The following PPARGC1B variants were observed in gnomAD, a reference collection of about 807,000 sequenced individuals.
The protein encoded by PPARGC1B is peroxisome proliferator-activated receptor gamma coactivator 1-beta.
Under a neutral mutation model 101.6 loss-of-function variants are expected in PPARGC1B, and 34 were observed. That is an observed-to-expected ratio of 0.33 (90% CI 0.25 to 0.45). The LOEUF (loss-of-function observed/expected upper bound fraction) is 0.45. Ranked by LOEUF, PPARGC1B falls within the 20% of genes least tolerant of loss-of-function variation. PPARGC1B has a pLI of 1.00. For synonymous variants in PPARGC1B, 548 were observed against 539.3 expected (o/e 1.02, Z -0.22); for missense variants, 1,234 against 1,317.6 (o/e 0.94, Z 0.98).
Position 149,830,748 on chromosome 5 carries a change from C to G in PPARGC1B, c.466-19C>G. ...CTGTGGCTCAGCCCCGGCTCCTGTCCTCTCTGCTTTTCCCTCAGCTGCAGA... is the reference window on the plus strand; with the variant it reads ...CTGTGGCTCAGCCCCGGCTCCTGTCGTCTCTGCTTTTCCCTCAGCTGCAGA... On this transcript the variant is annotated intron_variant, in intron 3 of 11. Coordinates refer to ENST00000309241, the MANE Select transcript of PPARGC1B (RefSeq NM_133263.4). 1.9e-6 allele frequency: 3 copies of G among 1,590,606 alleles called. No individual in the cohort carries two copies. The highest frequency in any genetic ancestry group is 2.6e-6 in the Non-Finnish European group (3 of 1,158,566).
chr5:149,789,673 G>A (rs11952729), intron 1 of PPARGC1B, among the ~76,000 whole-genome samples: 2,980 of 152,174 alleles, frequency 0.02, 110 homozygotes, highest in African/African-American at 0.069. Context: ...CAAGTCACAC[G>A]CCCAAGATCA....
At chr5:149,806,945 T>C (rs979053904) in intron 1 of PPARGC1B, among the ~76,000 whole-genome samples, 1 of 151,632 alleles carries the variant, frequency 6.6e-6, no homozygotes, top group African/African-American at 2.4e-5. Context: ...GTACCTAACA[T>C]AAAATTTACC....
chr5:149,810,408 G>T (rs965321643), intron 1 of PPARGC1B, among the ~76,000 whole-genome samples: 2 of 152,222 alleles, frequency 1.3e-5, no homozygotes, highest in Admixed American at 6.5e-5. Context: ...AAGGTGGGGT[G>T]GGGGGCCTAG....
At chr5:149,766,556 C>T (rs1344582804) in intron 1 of PPARGC1B, among the ~76,000 whole-genome samples, 1 of 151,446 alleles carries the variant, frequency 6.6e-6, no homozygotes, top group Non-Finnish European at 1.5e-5. Flanking sequence ...GTGAACCAGG[C>T]AGGATGATGA....
intron 1 of PPARGC1B, among the ~76,000 whole-genome samples, chr5:149,798,527 C>T (rs796645821): frequency 7.2e-5 from 11 of 152,324 alleles, no homozygotes; most frequent in African/African-American, 2.6e-4. Flanking sequence ...AGCATGGCCT[C>T]AGCTTAGTTG....
intron 1 of PPARGC1B, among the ~76,000 whole-genome samples, chr5:149,802,555 C>T (rs1334962042): frequency 6.6e-6 from 1 of 151,466 alleles, no homozygotes; most frequent in Non-Finnish European, 1.5e-5. Flanking sequence ...TCTGGCTTCT[C>T]GAGAAGGAAG....
chr5:149,775,573 C>T (rs73265616), intron 1 of PPARGC1B, among the ~76,000 whole-genome samples: 18,425 of 152,192 alleles, frequency 0.12, 1,201 homozygotes, highest in East Asian at 0.25. Context: ...CCTCAGAATC[C>T]ACTGCAAAAC....
At chr5:149,804,307 C>G (rs999397299) in intron 1 of PPARGC1B, among the ~76,000 whole-genome samples, 6 of 152,230 alleles carry the variant, frequency 3.9e-5, no homozygotes, top group Non-Finnish European at 7.3e-5. Context: ...CAGCAAAGGA[C>G]AAGGCCAGGT....
At chr5:149,795,600 C>T (rs1024184382) in intron 1 of PPARGC1B, among the ~76,000 whole-genome samples, 4 of 152,100 alleles carry the variant, frequency 2.6e-5, no homozygotes, top group African/African-American at 7.2e-5. Flanking sequence ...AATCTGAGTA[C>T]AGGTGTGGAT....
At chr5:149,815,106 T>A (rs1481148248) in intron 1 of PPARGC1B, among the ~76,000 whole-genome samples, 1 of 152,228 alleles carries the variant, frequency 6.6e-6, no homozygotes, top group Non-Finnish European at 1.5e-5. Context: ...GATCCTGGCT[T>A]CACAGGGAGA....
rs558515385 is a variant in PPARGC1B at position 149,782,298 on chromosome 5, A to G, written c.79-38135A>G. 2.4e-4 allele frequency among the ~76,000 whole-genome samples: 36 copies of G among 152,306 alleles called. No homozygotes were observed. In the South Asian group the frequency reaches 7.1e-3, roughly 30 times the overall value. ...GCCATTCCTCTTGTATAAGATATAAAGAAACTCTTAAAAATTTTTTTTCTT... is the reference window on the plus strand; with the variant it reads ...GCCATTCCTCTTGTATAAGATATAAGGAAACTCTTAAAAATTTTTTTTCTT... On this transcript the variant is annotated intron_variant, in intron 1 of 11. Coordinates refer to ENST00000309241, the MANE Select transcript of PPARGC1B (RefSeq NM_133263.4).
In PPARGC1B at chr5:149,755,931, G is replaced by A. The variant is rs1479239901; in HGVS notation, c.78+25511G>A. ...AGTGCTGGGATTACAGGGGTGAGCCGCCGTGCCCGGCCTATGGTGTCATTG... is the reference window on the plus strand; with the variant it reads ...AGTGCTGGGATTACAGGGGTGAGCCACCGTGCCCGGCCTATGGTGTCATTG... On this transcript the variant is annotated intron_variant, in intron 1 of 11. Coordinates refer to ENST00000309241, the MANE Select transcript of PPARGC1B (RefSeq NM_133263.4). Among the ~76,000 whole-genome samples, 7 of 152,110 alleles carry A rather than the reference G, an allele frequency of 4.6e-5. No homozygotes were observed. In the South Asian group the frequency reaches 8.3e-4, roughly 18 times the overall value.
chr5:149,846,322 A>G (rs930328686), intron 11 of PPARGC1B: 5 of 372,748 alleles, frequency 1.3e-5, no homozygotes, highest in African/African-American at 2.0e-5. Flanking sequence ...GAAGAAGGAC[A>G]AAGAAGTACA....
intron 2 of PPARGC1B, among the ~76,000 whole-genome samples, chr5:149,824,881 C>T (rs32583): frequency 0.21 from 32,258 of 152,234 alleles, 4,449 homozygotes; most frequent in African/African-American, 0.39. Context: ...AAATTACAAA[C>T]GCGTTTGTTC....
At chr5:149,768,608 T>C (rs138284115) in intron 1 of PPARGC1B, among the ~76,000 whole-genome samples, 3,295 of 121,202 alleles carry the variant, frequency 0.027, 137 homozygotes, top group African/African-American at 0.086. Context: ...CACGTCTGGC[T>C]AATTTTTGTA....
chr5:149,781,260 G>A (rs1363394104), intron 1 of PPARGC1B, among the ~76,000 whole-genome samples: 6 of 151,844 alleles, frequency 4.0e-5, no homozygotes, highest in South Asian at 4.2e-4. Context: ...GAGCTGGCCT[G>A]CCTTGGGCAG....
Position 149,815,871 on chromosome 5 carries a change from G to C in PPARGC1B, c.79-4562G>C, listed in dbSNP as rs535015885. Among the ~76,000 whole-genome samples the C allele has an allele frequency of 1.6e-4, 25 of 152,296 alleles. No homozygotes were observed. The South Asian group carries it at 5.0e-3, about 30-fold the overall frequency. On this transcript the variant is annotated intron_variant, in intron 1 of 11. Coordinates refer to ENST00000309241, the MANE Select transcript of PPARGC1B (RefSeq NM_133263.4). ...CCTAGCAACCTAATTTAAATGACTT[G>C]CCGACATGGGGACGGTAGCACCCAC... is the stretch of plus-strand genomic sequence containing the variant.
intron 1 of PPARGC1B, among the ~76,000 whole-genome samples, chr5:149,796,059 G>A (rs1456485186): frequency 4.6e-5 from 7 of 152,166 alleles, no homozygotes; most frequent in African/African-American, 1.4e-4. Context: ...AGAGGCTTCC[G>A]TTCTGGTGGG....
rs1308666185 is a variant in PPARGC1B at position 149,832,857 on chromosome 5, G to C, written c.784G>C (p.Ala262Pro). Residue 262 changes from alanine to proline, a missense_variant, in exon 5 of 12, where the codon GCC (alanine) becomes CCC (proline). Coordinates refer to ENST00000309241, the MANE Select transcript of PPARGC1B (RefSeq NM_133263.4). This position sits in a 1 kb window ranked among gnomAD's most constrained non-coding sequence, Gnocchi z 4.9. ...EDCPSPQPAPASPRDSLALGR... is the reference protein window; with the variant it reads ...EDCPSPQPAPPSPRDSLALGR... ...CTGCCCGAGCCCCCAGCCAGCTCCAGCCTCTCCCCGGGACTCCCTAGCTCT... is the reference window on the plus strand; with the variant it reads ...CTGCCCGAGCCCCCAGCCAGCTCCACCCTCTCCCCGGGACTCCCTAGCTCT... The C allele has an allele frequency of 6.2e-7, 1 of 1,610,494 alleles. No individual in the cohort carries two copies. Among genetic ancestry groups the C allele is most frequent in the East Asian group, 2.2e-5 (1 of 44,798 alleles).
Sources: allele counts gnomAD v4.1 joint callset (sites outside exome capture counted in the v4.1 genomes callset), GRCh38; gene constraint gnomAD v4.1.1; non-coding constraint Gnocchi (gnomAD v3.1); transcripts MANE v1.5; gene names NCBI Gene and HGNC (gene_info 2026-07-23, HGNC 2026-07-21).